The following PKP4 variants were observed in gnomAD, a reference collection of about 807,000 sequenced individuals.
PKP4 encodes plakophilin 4, also known as plakophilin-4.
In PKP4, 90 loss-of-function variants were observed where a neutral mutation model predicts 145.1. The ratio of observed to expected loss-of-function variants is 0.62; its 90% confidence interval spans 0.52 to 0.74. PKP4 has a LOEUF of 0.74. PKP4 is among the 30% of genes least tolerant of loss of function. The probability of loss-of-function intolerance (pLI) is 0.00; values close to 1 mark genes in which losing one functional copy is unlikely to be tolerated. For synonymous variants in PKP4, 563 were observed against 577.2 expected, an observed-to-expected ratio of 0.98 and a Z score of 0.35; for missense variants, 1,340 against 1,482.7, an observed-to-expected ratio of 0.90 and a Z score of 1.58.
intron 1 of PKP4, among the ~76,000 whole-genome samples, chr2:158,475,871 C>T (rs939621939): frequency 1.3e-5 from 2 of 152,136 alleles, no homozygotes; most frequent in African/African-American, 4.8e-5. Context: ...AGAATCACAA[C>T]CCAATACAGA....
intron 2 of PKP4, among the ~76,000 whole-genome samples, chr2:158,570,949 AG>A (rs2047366720): frequency 6.6e-6 from 1 of 152,200 alleles, no homozygotes; most frequent in Admixed American, 6.5e-5. Context: ...TGAAACATAG[AG>A]GATTCCAGAG....
chr2:158,645,883 A>G (rs1348398110), intron 11 of PKP4, among the ~76,000 whole-genome samples: 2 of 152,218 alleles, frequency 1.3e-5, no homozygotes, highest in African/African-American at 2.4e-5. Flanking sequence ...TTTAAAAATA[A>G]GTCAAAATTA....
In PKP4 at chr2:158,621,405, G is replaced by T; in HGVS notation, c.587G>T (p.Gly196Val). 4 of 1,613,928 alleles carry T rather than the reference G, an allele frequency of 2.5e-6. No individual in the cohort carries two copies. The highest frequency in any genetic ancestry group is 1.6e-4 in the Middle Eastern group (1 of 6,062). Reference protein sequence around the residue: ...NHVVRNSRAEGQTLVQPSVAN... With the variant: ...NHVVRNSRAEVQTLVQPSVAN... ...GTGGTGAGGAATTCAAGAGCTGAAGGACAAACACTGGTTCAGGTAAGCCAA... is the reference window on the plus strand; with the variant it reads ...GTGGTGAGGAATTCAAGAGCTGAAGTACAAACACTGGTTCAGGTAAGCCAA... Residue 196 changes from glycine to valine, a missense_variant, in exon 6 of 22, where the codon GGA becomes GTA. Gly to Val is a moderately radical substitution (Grantham distance 109). Coordinates refer to ENST00000389759, the MANE Select transcript of PKP4 (RefSeq NM_003628.6).
Position 158,642,703 on chromosome 2 carries a change from G to A in PKP4, c.1909+4G>A, listed in dbSNP as rs775237232. ...GAAGTAAGGGAGCTTGTTACAGGTAGGTATAGAATGTGATCTCGTCCTAGA... is the reference window on the plus strand; with the variant it reads ...GAAGTAAGGGAGCTTGTTACAGGTAAGTATAGAATGTGATCTCGTCCTAGA... On this transcript the variant is annotated splice_donor_region_variant and intron_variant, in intron 11 of 21. Transcript: ENST00000389759. 60 of 1,578,218 alleles carry A rather than the reference G, an allele frequency of 3.8e-5. No individual in the cohort carries two copies. The highest frequency in any genetic ancestry group is 4.8e-5 in the Non-Finnish European group (55 of 1,156,706).
intron 3 of PKP4, among the ~76,000 whole-genome samples, chr2:158,602,528 C>A (rs56328878): frequency 0.19 from 29,026 of 151,918 alleles, 3,601 homozygotes; most frequent in Middle Eastern, 0.35. Flanking sequence ...TTAAATGCAC[C>A]CTCTAATAAC....
At chr2:158,615,467 A>G (rs898224723) in intron 4 of PKP4, among the ~76,000 whole-genome samples, 1 of 152,094 alleles carries the variant, frequency 6.6e-6, no homozygotes, top group Non-Finnish European at 1.5e-5. Flanking sequence ...TTCCTTTTAT[A>G]GGTATAAAGT....
intron 1 of PKP4, among the ~76,000 whole-genome samples, chr2:158,459,552 AT>A (rs1689438458): frequency 6.6e-6 from 1 of 152,212 alleles, no homozygotes; most frequent in South Asian, 2.1e-4. Flanking sequence ...TATGTGCATA[AT>A]CAGTGAATCT....
At chr2:158,676,978 A>C in intron 20 of PKP4, 111 bp downstream of exon 20, 1 of 1,267,772 alleles carries the variant, frequency 7.9e-7, no homozygotes, top group Non-Finnish European at 1.1e-6. Context: ...GTCCCCCAGC[A>C]GCAAACCATG....
intron 1 of PKP4, among the ~76,000 whole-genome samples, chr2:158,492,339 T>C (rs1320114443): frequency 6.6e-6 from 1 of 152,206 alleles, no homozygotes; most frequent in Admixed American, 6.5e-5. Flanking sequence ...AAGCAAGTTA[T>C]GCGAAGTTAA....
At chr2:158,511,072 A>G (rs2041466093) in intron 1 of PKP4, among the ~76,000 whole-genome samples, 1 of 152,118 alleles carries the variant, frequency 6.6e-6, no homozygotes, top group Admixed American at 6.6e-5. Flanking sequence ...GGCAGGAGGG[A>G]GCATGCAGAG....
At position 158,496,788 on chromosome 2, in the gene PKP4, G is replaced by C. The variant is rs545105235; in HGVS notation, c.-5-36392G>C. ...TGTGTGTGTGTGTGTGTGTGTGTGT[G>C]TGTGTGTCTGTGTGTCTCACTCTCT... is the stretch of plus-strand genomic sequence containing the variant. On this transcript the variant is annotated intron_variant, in intron 1 of 21. Coordinates refer to ENST00000389759, the MANE Select transcript of PKP4 (RefSeq NM_003628.6). Among the ~76,000 whole-genome samples, 648 of 150,622 alleles carry C rather than the reference G, an allele frequency of 4.3e-3. 3 individuals are homozygous for C. The highest frequency in any genetic ancestry group is 7.8e-3 in the Non-Finnish European group (523 of 67,382).
intron 1 of PKP4, among the ~76,000 whole-genome samples, chr2:158,473,815 A>G (rs1692004983): frequency 6.6e-6 from 1 of 152,186 alleles, no homozygotes; most frequent in African/African-American, 2.4e-5. Context: ...AAATACATAT[A>G]TATCCATTTA....
At chr2:158,582,001 A>G (rs2048371275) in intron 3 of PKP4, among the ~76,000 whole-genome samples, 1 of 152,188 alleles carries the variant, frequency 6.6e-6, no homozygotes, top group South Asian at 2.1e-4. Flanking sequence ...TTTCATCTGA[A>G]GTTGATGAAG....
intron 3 of PKP4, among the ~76,000 whole-genome samples, chr2:158,598,235 G>C (rs1053883327): frequency 6.6e-6 from 1 of 152,146 alleles, no homozygotes; most frequent in Non-Finnish European, 1.5e-5. Flanking sequence ...TCCTAATTCA[G>C]TATGTCTTGC....
intron 11 of PKP4, among the ~76,000 whole-genome samples, chr2:158,654,195 CTT>C (rs1371919852): frequency 6.6e-6 from 1 of 152,192 alleles, no homozygotes; most frequent in Non-Finnish European, 1.5e-5. Context: ...GGTTGCAACT[CTT>C]TGTGTTACAT....
intron 1 of PKP4, among the ~76,000 whole-genome samples, chr2:158,481,185 A>C (rs1258146586): frequency 6.6e-6 from 1 of 152,016 alleles, no homozygotes; most frequent in African/African-American, 2.4e-5. Flanking sequence ...CAGCCTTCCA[A>C]AGTGCTGTGA....
intron 1 of PKP4, among the ~76,000 whole-genome samples, chr2:158,491,760 C>G (rs971256524): frequency 1.3e-5 from 2 of 151,956 alleles, no homozygotes; most frequent in African/African-American, 4.8e-5. Context: ...TTCTCTAGCC[C>G]TAGTTCTCAA....
intron 4 of PKP4, among the ~76,000 whole-genome samples, chr2:158,607,746 G>A (rs929803714): frequency 1.3e-5 from 2 of 152,122 alleles, no homozygotes; most frequent in African/African-American, 4.8e-5. Context: ...GAGGGCAGTT[G>A]TGGATTTTTA....
Position 158,625,287 on chromosome 2 carries a change from C to A in PKP4, c.1013C>A (p.Pro338His). 6.2e-7 allele frequency: 1 copy of A among 1,614,190 alleles called. No individual in the cohort carries two copies. Among genetic ancestry groups the A allele is most frequent in the Non-Finnish European group, 8.5e-7 (1 of 1,180,036 alleles). ...CAAGGCCAGGTGGGGTCGTCGTCCC[C>A]CAAACGCTCAGGGATGACCGCCGTA... ...PSQGQVGSSS[P>H]KRSGMTAVPQ... The change falls in exon 7 of 22, where the codon CCC becomes CAC. Residue 338 changes from proline to histidine, a missense_variant. Pro to His is a moderately conservative substitution (Grantham distance 77). Coordinates refer to ENST00000389759, the MANE Select transcript of PKP4 (RefSeq NM_003628.6).
Sources: allele counts gnomAD v4.1 joint callset (sites outside exome capture counted in the v4.1 genomes callset), GRCh38; gene constraint gnomAD v4.1.1; transcripts MANE v1.5; gene names NCBI Gene and HGNC (gene_info 2026-07-23, HGNC 2026-07-21).